DHX16: variants seen among roughly 807,000 people sequenced by gnomAD.
DHX16 encodes the protein pre-mRNA-splicing factor ATP-dependent RNA helicase DHX16.
DHX16 carries 81 observed loss-of-function variants against 131.2 expected under a neutral mutation model. That is an observed-to-expected ratio of 0.62 (90% CI 0.52 to 0.74). DHX16 has a LOEUF of 0.74. Ranked by LOEUF, DHX16 falls within the 30% of genes least tolerant of loss-of-function variation. The pLI is 0.00. For synonymous variants in DHX16, 440 were observed against 520.2 expected, an observed-to-expected ratio of 0.85 and a Z score of 2.10; for missense variants, 980 against 1,363.1, an observed-to-expected ratio of 0.72 and a Z score of 4.43.
chr6:30,659,658 C>T (rs762731388), intron 11 of DHX16, 34 bp from the exon 12 acceptor site: 7 of 1,613,568 alleles, frequency 4.3e-6, no homozygotes, highest in Non-Finnish European at 5.9e-6. Context: ...GCAGGGGTCC[C>T]AGAGTCACAG....
Position 30,653,170 on chromosome 6 carries a change from T to C in DHX16, c.*72A>G. The stretch of plus-strand genomic sequence containing the variant: ...CCACAAGCTTTATTCCAAAAATAAT[T>C]TTATTTAATAGGTATTAAATAATGT... On this transcript the variant is annotated 3_prime_UTR_variant, in exon 20 of 20. Coordinates refer to ENST00000376442, the MANE Select transcript of DHX16 (RefSeq NM_003587.5). The C allele has an allele frequency of 6.7e-7, 1 of 1,502,758 alleles. No individual in the cohort carries two copies. The highest frequency in any genetic ancestry group is 2.3e-5 in the East Asian group (1 of 42,606). 93.1% of individuals were successfully genotyped at this position (1,502,758 alleles called of 1,614,324 possible).
chr6:30,653,548 C>G (rs186854310), intron 19 of DHX16, among the ~76,000 whole-genome samples, 178 bp from the exon 20 acceptor site: 367 of 151,252 alleles, frequency 2.4e-3, no homozygotes, highest in African/African-American at 8.6e-3. Flanking sequence ...GCTGAGACTA[C>G]AGGCACACAT....
At chr6:30,658,343 G>A (rs778289661) in intron 12 of DHX16, among the ~76,000 whole-genome samples, 21 of 152,192 alleles carry the variant, frequency 1.4e-4, no homozygotes, top group Non-Finnish European at 2.9e-4. Context: ...AGGAGTTTGA[G>A]ACCAACCTGG....
rs1277742910 is a variant in DHX16 at position 30,653,203 on chromosome 6, GA to G, written c.*38del. 1 of 1,593,268 alleles carries G rather than the reference GA, an allele frequency of 6.3e-7. No homozygotes were observed. The highest frequency in any genetic ancestry group is 8.5e-7 in the Non-Finnish European group (1 of 1,174,170). ...ATAGGTATTAAATAATGTATAGAAG[GA>G]AAAGGAGCTGGTGTCAGGTTCTGTT... is the stretch of plus-strand genomic sequence containing the variant. On this transcript the variant is annotated 3_prime_UTR_variant, in exon 20 of 20. Transcript: ENST00000376442.
chr6:30,656,880 C>T lies in DHX16; in HGVS notation c.2148+72G>A. 2 of 1,589,352 alleles carry T rather than the reference C, an allele frequency of 1.3e-6. No individual in the cohort carries two copies. The highest frequency in any genetic ancestry group is 1.7e-6 in the Non-Finnish European group (2 of 1,166,880). Reference sequence around the variant, plus strand: ...ATCCCGGTTCCCTAGGAAGCCCCCACCCTGCTTCTGAGTTGGACCTTCTCT... The same window carrying T: ...ATCCCGGTTCCCTAGGAAGCCCCCATCCTGCTTCTGAGTTGGACCTTCTCT... On this transcript the variant is annotated intron_variant, in intron 13 of 19. Transcript: ENST00000376442. This position sits in a 1 kb window ranked among gnomAD's most constrained non-coding sequence, Gnocchi z 5.1.
rs758230061 is a variant in DHX16, at chr6:30,665,211, A to AGCGCCGCTGCTCCTCCCC, written c.967_984dup (p.Gly323_Arg328dup). The AGCGCCGCTGCTCCTCCCC allele has an allele frequency of 6.2e-7, 1 of 1,608,138 alleles. No individual in the cohort carries two copies. The highest frequency in any genetic ancestry group is 8.5e-7 in the Non-Finnish European group (1 of 1,179,790). Reference sequence around the variant, plus strand: ...GCTGCCCCAAGCCGCGCCTCCTCCCAGCGCCGCTGCTCCTCCCCAGGGGCT... The same window carrying AGCGCCGCTGCTCCTCCCC: ...GCTGCCCCAAGCCGCGCCTCCTCCCAGCGCCGCTGCTCCTCCCCGCGCCGCTGCTCCTCCCCAGGGGCT... On this transcript the variant is annotated inframe_insertion, in exon 6 of 20. Transcript: ENST00000376442. This position sits in a 1 kb window ranked among gnomAD's most constrained non-coding sequence, Gnocchi z 4.8.
intron 4 of DHX16, among the ~76,000 whole-genome samples, chr6:30,667,236 T>C (rs1398119623): frequency 6.6e-6 from 1 of 152,188 alleles, no homozygotes; most frequent in African/African-American, 2.4e-5. Flanking sequence ...GAAAAGCTCT[T>C]CTTTATAGAC....
chr6:30,653,371 C>G lies in DHX16; in HGVS notation c.2998-1G>C. ...GCCAACTGCTCTCAATCTCCAGTACCTAGGAGAGAGAAAAGATCAATGGAG... is the reference window on the plus strand; with the variant it reads ...GCCAACTGCTCTCAATCTCCAGTACGTAGGAGAGAGAAAAGATCAATGGAG... On this transcript the variant is annotated splice_acceptor_variant, in intron 19 of 19. Coordinates refer to ENST00000376442, the MANE Select transcript of DHX16 (RefSeq NM_003587.5). LOFTEE classifies it high-confidence loss of function. 1 of 1,598,632 alleles carries G rather than the reference C, an allele frequency of 6.3e-7. No individual in the cohort carries two copies. Among genetic ancestry groups the G allele is most frequent in the Non-Finnish European group, 8.5e-7 (1 of 1,176,140 alleles).
At chr6:30,667,191 T>C (rs754107571) in intron 4 of DHX16, among the ~76,000 whole-genome samples, 1 of 152,244 alleles carries the variant, frequency 6.6e-6, no homozygotes, top group South Asian at 2.1e-4. Flanking sequence ...TTACCCTTTT[T>C]AAGAAGGAAC....
intron 12 of DHX16, among the ~76,000 whole-genome samples, chr6:30,657,993 T>A (rs1768137251): frequency 6.6e-6 from 1 of 152,242 alleles, no homozygotes; most frequent in Non-Finnish European, 1.5e-5. Flanking sequence ...GACTTTGTTT[T>A]GTTCATCACT....
intron 4 of DHX16, among the ~76,000 whole-genome samples, chr6:30,667,487 C>G (rs545595196): frequency 3.1e-4 from 47 of 150,134 alleles, no homozygotes; most frequent in African/African-American, 1.2e-3. Context: ...GAGGCTGAGG[C>G]AGGAGAATGG....
chr6:30,654,921 C>A, intron 18 of DHX16, 42 bp from the exon 19 acceptor site: 2 of 1,581,930 alleles, frequency 1.3e-6, no homozygotes, highest in East Asian at 2.2e-5. Flanking sequence ...AAAAGGCAGA[C>A]ATCTGGGGAC....
In DHX16 at chr6:30,660,330, T is replaced by C. The variant is rs916719343; in HGVS notation, c.1545-88A>G. 9.9e-6 allele frequency: 11 copies of C among 1,116,204 alleles called. No homozygotes were observed. In the Admixed American group the frequency reaches 1.4e-4, roughly 15 times the overall value. The allele number at this position is 1,116,204 out of a possible 1,614,324, so 69.1% of individuals were successfully genotyped here. ...AGTTAACTGGATGAGAGGGGAGTAATGGACACAAAGAGTTCAAGAATGACT... is the reference window on the plus strand; with the variant it reads ...AGTTAACTGGATGAGAGGGGAGTAACGGACACAAAGAGTTCAAGAATGACT... On this transcript the variant is annotated intron_variant, in intron 9 of 19. Coordinates refer to ENST00000376442, the MANE Select transcript of DHX16 (RefSeq NM_003587.5).
chr6:30,655,432 GAC>G lies in DHX16; in HGVS notation c.2661+1_2661+2del. 1.2e-6 allele frequency: 2 copies of G among 1,613,964 alleles called. No individual in the cohort carries two copies. The highest frequency in any genetic ancestry group is 1.7e-6 in the Non-Finnish European group (2 of 1,180,032). On this transcript the variant is annotated splice_donor_variant, in intron 17 of 19. Transcript: ENST00000376442. LOFTEE classifies it high-confidence loss of function. ...TCATTCCCACTCACCCAAGCCCAGT[GAC>G]CTGTGTGTAAACATTTAGCAGAACC...
Position 30,656,929 on chromosome 6 carries a change from C to T in DHX16, c.2148+23G>A, listed in dbSNP as rs1361829121. 4.4e-6 allele frequency: 7 copies of T among 1,606,024 alleles called. No individual in the cohort carries two copies. The highest frequency in any genetic ancestry group is 1.3e-5 in the African/African-American group (1 of 74,836). ...CTGTGGGCCAACTCCACCTCCCCCA[C>T]TCCCATGCATCCCCAGGCTGACCTT... On this transcript the variant is annotated intron_variant, in intron 13 of 19. Transcript: ENST00000376442. This position sits in a 1 kb window ranked among gnomAD's most constrained non-coding sequence, Gnocchi z 5.1.
At position 30,662,807 on chromosome 6, in the gene DHX16, G is replaced by T. The variant is rs764784726; in HGVS notation, c.1429-65C>A. 1.2e-5 allele frequency: 18 copies of T among 1,563,782 alleles called. No individual in the cohort carries two copies. The highest frequency in any genetic ancestry group is 1.5e-5 in the Non-Finnish European group (17 of 1,137,456). ...GTGCCCTGAAAGGAACTTGGGGAAA[G>T]GTGAAGTGGGGCAGCACCAAGACTT... is the stretch of plus-strand genomic sequence containing the variant. On this transcript the variant is annotated intron_variant, in intron 8 of 19. Coordinates refer to ENST00000376442, the MANE Select transcript of DHX16 (RefSeq NM_003587.5). The surrounding 1 kb of genome is among the most constrained non-coding windows in gnomAD (Gnocchi z 4.7).
intron 9 of DHX16, among the ~76,000 whole-genome samples, chr6:30,661,100 CAG>C (rs1371870968): frequency 1.3e-5 from 2 of 149,138 alleles, no homozygotes; most frequent in South Asian, 4.3e-4. Flanking sequence ...AGTTTTGAAA[CAG>C]AGTCTCACTC....
At chr6:30,668,231 A>G (rs762290252) in intron 4 of DHX16, among the ~76,000 whole-genome samples, 22 of 152,306 alleles carry the variant, frequency 1.4e-4, no homozygotes, top group African/African-American at 5.1e-4. Flanking sequence ...AACATACCAC[A>G]TTTACAATTA....
At chr6:30,660,278 G>A (rs374512054) in intron 9 of DHX16, 36 bp from the exon 10 acceptor site, 68 of 1,475,938 alleles carry the variant, frequency 4.6e-5, no homozygotes, top group Non-Finnish European at 5.5e-5. Flanking sequence ...AGGGAAGAGC[G>A]CTAGGCAATG....
Sources: gnomAD v4.1 joint callset for allele counts (sites outside exome capture counted in the v4.1 genomes callset) on GRCh38, gnomAD v4.1.1 for gene constraint, Gnocchi (gnomAD v3.1) non-coding constraint, MANE v1.5 for transcripts, NCBI Gene and HGNC (gene_info 2026-07-23, HGNC 2026-07-21) for gene names.